Variants in GREB1L observed in about 807,000 individuals in gnomAD.
GREB1L encodes the protein GREB1 like retinoic acid receptor coactivator, also known as GREB1-like protein.
Under a neutral mutation model 200.8 loss-of-function variants are expected in GREB1L, and 17 were observed. That is an observed-to-expected ratio of 0.08 (90% CI 0.06 to 0.13). The LOEUF (loss-of-function observed/expected upper bound fraction) is 0.13. GREB1L is among the 10% of genes least tolerant of loss of function. The probability of loss-of-function intolerance (pLI) is 1.00; values close to 1 mark genes in which losing one functional copy is unlikely to be tolerated. For synonymous variants in GREB1L, 789 were observed against 893.0 expected, an observed-to-expected ratio of 0.88 and a Z score of 2.08; for missense variants, 1,657 against 2,367.7, an observed-to-expected ratio of 0.70 and a Z score of 6.23.
At chr18:21,364,673 G>A (rs1207839612) in intron 1 of GREB1L, among the ~76,000 whole-genome samples, 1 of 152,188 alleles carries the variant, frequency 6.6e-6, no homozygotes, top group Non-Finnish European at 1.5e-5. Context: ...TTAAGAGAAT[G>A]TGTGCAGCCT....
At chr18:21,454,785 C>A in intron 15 of GREB1L, 1 of 558,566 alleles carries the variant, frequency 1.8e-6, no homozygotes, top group Non-Finnish European at 3.2e-6. Context: ...GCATGTTTGC[C>A]AGGTATCATT....
intron 1 of GREB1L, among the ~76,000 whole-genome samples, chr18:21,316,091 ACT>A (rs1286473647): frequency 1.3e-5 from 2 of 151,814 alleles, no homozygotes; most frequent in African/African-American, 4.8e-5. Context: ...GATGGCTCAG[ACT>A]CTATGGAGAT....
At chr18:21,270,431 G>A (rs141312927) in intron 1 of GREB1L, among the ~76,000 whole-genome samples, 25 of 152,228 alleles carry the variant, frequency 1.6e-4, no homozygotes, top group African/African-American at 5.8e-4. Context: ...GGCTGCCTGC[G>A]CTGTTAGGAT....
At chr18:21,264,475 C>T (rs945903512) in intron 1 of GREB1L, among the ~76,000 whole-genome samples, 3 of 152,094 alleles carry the variant, frequency 2.0e-5, no homozygotes, top group African/African-American at 7.2e-5. Flanking sequence ...TTAAGGGTGT[C>T]ATGGATGTTC....
At chr18:21,372,230 C>T (rs1480367928) in intron 2 of GREB1L, among the ~76,000 whole-genome samples, 65 of 150,862 alleles carry the variant, frequency 4.3e-4, no homozygotes, top group African/African-American at 1.6e-3. Flanking sequence ...CTCACTGCAA[C>T]CTCCGCCTCC....
chr18:21,369,428 A>G (rs1020305068), intron 2 of GREB1L, among the ~76,000 whole-genome samples: 1 of 152,192 alleles, frequency 6.6e-6, no homozygotes, highest in Non-Finnish European at 1.5e-5. Context: ...TAATTATACT[A>G]GTTCCAGAGA....
At chr18:21,505,281 A>G (rs777990905) in intron 23 of GREB1L, 131 bp from the exon 24 acceptor site, 26 of 750,028 alleles carry the variant, frequency 3.5e-5, no homozygotes, top group Non-Finnish European at 5.2e-5. Flanking sequence ...CTACTGGGAC[A>G]GGGGAGCTCA....
At chr18:21,369,120 T>C (rs1726363998) in intron 2 of GREB1L, among the ~76,000 whole-genome samples, 1 of 152,200 alleles carries the variant, frequency 6.6e-6, no homozygotes, top group African/African-American at 2.4e-5. Flanking sequence ...TACTCTGCAT[T>C]TGGGAAATTG....
chr18:21,432,705 C>CTTTTTTTTTTTTT (rs11380208), intron 7 of GREB1L, among the ~76,000 whole-genome samples: 14 of 94,366 alleles, frequency 1.5e-4, no homozygotes, highest in Non-Finnish European at 1.8e-4. Context: ...TCTTTTTTTT[C>CTTTTTTTTTTTTT]TTTTTTTTTT....
rs929576652 is a variant in GREB1L at position 21,520,782 on chromosome 18, C to G, written c.5567C>G (p.Ser1856Cys). 2.2e-5 allele frequency: 32 copies of G among 1,446,682 alleles called. No individual in the cohort carries two copies. Among genetic ancestry groups the G allele is most frequent in the Admixed American group, 5.1e-5 (2 of 38,984 alleles). The allele number at this position is 1,446,682 out of a possible 1,614,324, so 89.6% of individuals were successfully genotyped here. Residue 1856 changes from serine to cysteine, a missense_variant, in exon 32 of 33, where the codon TCT becomes TGT. Ser to Cys is a moderately radical substitution (Grantham distance 112, BLOSUM62 -1). Around this residue, in one of 9 missense-constraint regions of GREB1L, gnomAD observed 190 missense variants for 230.2 expected, o/e 0.83. Coordinates refer to ENST00000424526, the MANE Select transcript of GREB1L (RefSeq NM_001142966.3). ...FSGLLLYLCD[S>C]FVGADLKKFK... ...GGACTCCTTTTGTACCTCTGTGACT[C>G]TTTTGTAGGTGCTGATCTTAAGAAA...
At chr18:21,444,547 C>A in intron 11 of GREB1L, 138 bp downstream of exon 11, 1 of 711,894 alleles carries the variant, frequency 1.4e-6, no homozygotes, top group Non-Finnish European at 2.3e-6. Context: ...CCCTTCAACC[C>A]CATTCTCTGT....
At chr18:21,372,511 T>A (rs918974166) in intron 2 of GREB1L, among the ~76,000 whole-genome samples, 5 of 152,148 alleles carry the variant, frequency 3.3e-5, no homozygotes, top group African/African-American at 1.2e-4. Context: ...TTTTGTTTTG[T>A]TTTTTAGCTC....
At chr18:21,475,127 C>G (rs2035635412) in intron 16 of GREB1L, among the ~76,000 whole-genome samples, 1 of 152,130 alleles carries the variant, frequency 6.6e-6, no homozygotes, top group African/African-American at 2.4e-5. Context: ...AGAGAAAGGA[C>G]AGCAATAAGG....
chr18:21,245,757 A>T (rs576892548), intron 1 of GREB1L, among the ~76,000 whole-genome samples: 1 of 152,074 alleles, frequency 6.6e-6, no homozygotes, highest in Admixed American at 6.5e-5. Context: ...TTGCTTTGCC[A>T]CCCAGGCTGG....
intron 7 of GREB1L, among the ~76,000 whole-genome samples, chr18:21,421,549 T>G (rs888715629): frequency 2.6e-5 from 4 of 152,162 alleles, no homozygotes; most frequent in African/African-American, 4.8e-5. Context: ...AGTCTACATT[T>G]TGTACAGGCA....
At chr18:21,439,469 C>T in intron 7 of GREB1L, 52 bp from the exon 8 acceptor site, 3 of 1,067,254 alleles carry the variant, frequency 2.8e-6, no homozygotes, top group East Asian at 2.6e-5. Context: ...TCCCAGAAAG[C>T]AGTGCCCCGC....
chr18:21,511,465 T>C (rs943598324), intron 27 of GREB1L, among the ~76,000 whole-genome samples: 2 of 152,256 alleles, frequency 1.3e-5, no homozygotes, highest in African/African-American at 4.8e-5. Flanking sequence ...GTTTTTGATA[T>C]CATATGTAAG....
intron 25 of GREB1L, among the ~76,000 whole-genome samples, chr18:21,506,158 C>A (rs192621017): frequency 3.5e-4 from 54 of 152,192 alleles, no homozygotes; most frequent in East Asian, 1.9e-3. Flanking sequence ...CTGTGGGAGG[C>A]CGAGGCGGGT....
Position 21,396,255 on chromosome 18 carries a change from G to A in GREB1L, c.532+694G>A, listed in dbSNP as rs186076131. Among the ~76,000 whole-genome samples, 389 of 152,086 alleles carry A rather than the reference G, an allele frequency of 2.6e-3. 7 individuals are homozygous for A. Among genetic ancestry groups the A allele is most frequent in the Admixed American group, 0.023 (347 of 15,272 alleles). The stretch of plus-strand genomic sequence containing the variant: ...AGACAGGGTTTCACCATGTTGGCCA[G>A]GCTGGTCTCAAACTCCTGACCTCAG... On this transcript the variant is annotated intron_variant, in intron 5 of 32. Transcript: ENST00000424526.
Sources: gnomAD v4.1 joint callset for allele counts (sites outside exome capture counted in the v4.1 genomes callset) on GRCh38, gnomAD v4.1.1 for gene constraint, gnomAD v4.1.1 regional missense constraint, MANE v1.5 for transcripts, NCBI Gene and HGNC (gene_info 2026-07-23, HGNC 2026-07-21) for gene names.